ITPR3: variants seen among roughly 807,000 people sequenced by gnomAD.
ITPR3 encodes inositol 1,4,5-trisphosphate receptor type 3.
A neutral mutation model predicts 293.2 loss-of-function variants in ITPR3; 173 were observed. The ratio of observed to expected loss-of-function variants is 0.59; its 90% CI spans 0.52 to 0.67. The LOEUF is 0.67. ITPR3 is among the 30% of genes least tolerant of loss of function. ITPR3 has a pLI of 0.00. For synonymous variants in ITPR3, 1,295 were observed against 1,444.4 expected, an observed-to-expected ratio of 0.90 and a Z score of 2.35; for missense variants, 2,796 against 3,592.1, an observed-to-expected ratio of 0.78 and a Z score of 5.66.
rs1764646548 is a variant in ITPR3, at chr6:33,667,672, C to T, written c.1714-120C>T. On this transcript the variant is annotated intron_variant, in intron 15 of 57. Coordinates refer to ENST00000605930, the MANE Select transcript of ITPR3 (RefSeq NM_002224.4). The surrounding 1 kb of genome is among the most constrained non-coding windows in gnomAD (Gnocchi z 4.4). Reference sequence around the variant, plus strand: ...CCCAGCGATGCTTCCTTTCCTGGACCTCTGCCTTTCTAGGGTATTGGGTCC... The same window carrying T: ...CCCAGCGATGCTTCCTTTCCTGGACTTCTGCCTTTCTAGGGTATTGGGTCC... 1 of 1,082,782 alleles carries T rather than the reference C, an allele frequency of 9.2e-7. No individual in the cohort carries two copies. Among genetic ancestry groups the T allele is most frequent in the African/African-American group, 1.6e-5 (1 of 63,210 alleles). 67.1% of individuals were successfully genotyped at this position (1,082,782 alleles called of 1,614,324 possible). A position where few individuals can be genotyped will look rare whatever the true frequency, so the allele number is the denominator to read the frequency against.
chr6:33,668,885 G>A, intron 17 of ITPR3, 89 bp from the exon 18 acceptor site: 2 of 1,387,174 alleles, frequency 1.4e-6, no homozygotes, highest in Non-Finnish European at 2.0e-6. Flanking sequence ...CGTGGTGGCT[G>A]GCACTGTGTG....
chr6:33,651,665 G>A (rs10807127), intron 2 of ITPR3, among the ~76,000 whole-genome samples: 129,132 of 152,230 alleles, frequency 0.85, 55,102 homozygotes, highest in East Asian at 0.98. Flanking sequence ...GTGTTTCTAT[G>A]TCTGTTTTGT....
intron 33 of ITPR3, 47 bp downstream of exon 33, chr6:33,680,727 T>C (rs1426139122): frequency 6.3e-7 from 1 of 1,581,686 alleles, no homozygotes; most frequent in South Asian, 1.1e-5. Context: ...TGCCTAGCTT[T>C]TGTGAAGGGA....
At position 33,655,956 on chromosome 6, in the gene ITPR3, C is replaced by G; in HGVS notation, c.282+69C>G. ...GAACCTGGGTACACAAGCAGCGGTG[C>G]TGCTTGTCGGAGCCAGTAGGGGCTC... On this transcript the variant is annotated intron_variant, in intron 3 of 57. Coordinates refer to ENST00000605930, the MANE Select transcript of ITPR3 (RefSeq NM_002224.4). This position sits in a 1 kb window ranked among gnomAD's most constrained non-coding sequence, Gnocchi z 4.9. 1 of 1,595,484 alleles carries G rather than the reference C, an allele frequency of 6.3e-7. No individual in the cohort carries two copies. The highest frequency in any genetic ancestry group is 1.1e-5 in the South Asian group (1 of 90,006).
chr6:33,670,897 C>T lies in ITPR3; in HGVS notation c.2586+82C>T, dbSNP rs1160220856. 6 of 1,526,612 alleles carry T rather than the reference C, an allele frequency of 3.9e-6. No homozygotes were observed. The highest frequency in any genetic ancestry group is 4.4e-6 in the Non-Finnish European group (5 of 1,127,502). 94.6% of individuals were successfully genotyped at this position (1,526,612 alleles called of 1,614,324 possible). A position where few individuals can be genotyped will look rare whatever the true frequency, so the allele number is the denominator to read the frequency against. On this transcript the variant is annotated intron_variant, in intron 20 of 57. Transcript: ENST00000605930. The surrounding 1 kb of genome is among the most constrained non-coding windows in gnomAD (Gnocchi z 6.7). ...CTGGCCTCGGTCTTCACCCAGGAGTCGGCTGTGGGATCCATGACCCCACTT... is the reference window on the plus strand; with the variant it reads ...CTGGCCTCGGTCTTCACCCAGGAGTTGGCTGTGGGATCCATGACCCCACTT...
Position 33,696,106 on chromosome 6 carries a change from G to A in ITPR3, c.*326G>A, listed in dbSNP as rs1008045703. On this transcript the variant is annotated 3_prime_UTR_variant, in exon 58 of 58. Transcript: ENST00000605930. Reference sequence around the variant, plus strand: ...CAACTCTTTGTAGTCCTCCTTGTGGGTAGTTAAGAGTGGGGTCACCCCTTT... The same window carrying A: ...CAACTCTTTGTAGTCCTCCTTGTGGATAGTTAAGAGTGGGGTCACCCCTTT... The A allele has an allele frequency of 1.9e-5, 6 of 311,724 alleles. No homozygotes were observed. The highest frequency in any genetic ancestry group is 1.3e-4 in the African/African-American group (6 of 47,756). 19.3% of individuals were successfully genotyped at this position (311,724 alleles called of 1,614,324 possible).
rs142231270 is a variant in ITPR3 at position 33,655,720 on chromosome 6, G to T, written c.161-46G>T. The stretch of plus-strand genomic sequence containing the variant: ...GGGTTTTCTCCAGGGAGGGCCCTGA[G>T]CCCCAGATGAATCATTCCCCTCACC... On this transcript the variant is annotated intron_variant, in intron 2 of 57. Transcript: ENST00000605930. The surrounding 1 kb of genome is among the most constrained non-coding windows in gnomAD (Gnocchi z 4.9). 1,258 of 1,612,326 alleles carry T rather than the reference G, an allele frequency of 7.8e-4. 6 individuals carry two copies. In the African/African-American group the frequency reaches 0.011, roughly 15 times the overall value.
chr6:33,633,686 T>TGGCGGC lies in ITPR3; in HGVS notation c.90-6790_90-6785dup, dbSNP rs1164843232. Among the ~76,000 whole-genome samples the TGGCGGC allele has an allele frequency of 6.7e-6, 1 of 148,636 alleles. No individual in the cohort carries two copies. Among genetic ancestry groups the TGGCGGC allele is most frequent in the African/African-American group, 2.4e-5 (1 of 40,820 alleles). ...GGGCGAGGCCGCGCTGGCCCTCCCTTGGCGGCGGCGGCGCGTCGTGGGAGA... is the reference window on the plus strand; with the variant it reads ...GGGCGAGGCCGCGCTGGCCCTCCCTTGGCGGCGGCGGCGGCGGCGCGTCGTGGGAGA... On this transcript the variant is annotated intron_variant, in intron 1 of 57. Transcript: ENST00000605930. This position sits in a 1 kb window ranked among gnomAD's most constrained non-coding sequence, Gnocchi z 5.2.
Position 33,642,608 on chromosome 6 carries a change from C to T in ITPR3, c.160+2054C>T, listed in dbSNP as rs184670957. Among the ~76,000 whole-genome samples the T allele has an allele frequency of 2.4e-4, 37 of 152,236 alleles. 1 individual carries two copies. Among genetic ancestry groups the T allele is most frequent in the Middle Eastern group, 6.8e-3 (2 of 294 alleles). ...GGCCAATTTTTGACAACAACAAAGC[C>T]ACTTAGCAGAACAAATGCGCCTTTG... On this transcript the variant is annotated intron_variant, in intron 2 of 57. Coordinates refer to ENST00000605930, the MANE Select transcript of ITPR3 (RefSeq NM_002224.4).
In ITPR3 at chr6:33,672,530, T is replaced by G. The variant is rs1191687690; in HGVS notation, c.2928+302T>G. On this transcript the variant is annotated intron_variant, in intron 22 of 57. Transcript: ENST00000605930. The surrounding 1 kb of genome is among the most constrained non-coding windows in gnomAD (Gnocchi z 5.0). Reference sequence around the variant, plus strand: ...GCTCAGAGTTCAAGACCTGCCTGGGTGAGACCCCGTCTCTATTAAAAAAAA... The same window carrying G: ...GCTCAGAGTTCAAGACCTGCCTGGGGGAGACCCCGTCTCTATTAAAAAAAA... Among the ~76,000 whole-genome samples the G allele has an allele frequency of 1.3e-5, 2 of 152,006 alleles. No individual in the cohort carries two copies. Among genetic ancestry groups the G allele is most frequent in the Non-Finnish European group, 2.9e-5 (2 of 68,028 alleles).
Position 33,662,973 on chromosome 6 carries a change from G to A in ITPR3, c.921G>A (p.Lys307=), listed in dbSNP as rs1213043838. The stretch of plus-strand genomic sequence containing the variant: ...ACTGGAATGGCTTGTACCGCTTCAA[G>A]CACCTGGCTACAGGCAACTACCTGG... ...AGHWNGLYRF[K]HLATGNYLAA... The change falls in exon 9 of 58, where the codon AAG becomes AAA. Residue 307 remains lysine (K), a synonymous_variant. Transcript: ENST00000605930. 1 of 1,604,044 alleles carries A rather than the reference G, an allele frequency of 6.2e-7. No homozygotes were observed. The highest frequency in any genetic ancestry group is 2.2e-5 in the East Asian group (1 of 44,570).
chr6:33,673,512 C>T, intron 22 of ITPR3, 79 bp from the exon 23 acceptor site: 1 of 1,568,484 alleles, frequency 6.4e-7, no homozygotes, highest in Non-Finnish European at 8.7e-7. Flanking sequence ...GCCCCCTGCC[C>T]CCCATAAAGT....
intron 17 of ITPR3, 78 bp from the exon 18 acceptor site, chr6:33,668,896 G>A: frequency 6.9e-7 from 1 of 1,458,994 alleles, no homozygotes; most frequent in Admixed American, 1.9e-5. Context: ...GCACTGTGTG[G>A]CCGGGTGTGC....
Position 33,691,633 on chromosome 6 carries a change from C to T in ITPR3, c.7244C>T (p.Pro2415Leu). The T allele has an allele frequency of 6.2e-7, 1 of 1,613,992 alleles. No homozygotes were observed. Among genetic ancestry groups the T allele is most frequent in the African/African-American group, 1.3e-5 (1 of 74,992 alleles). The change falls in exon 53 of 58, where the codon CCA becomes CTA. Residue 2415 changes from proline (P) to leucine (L), a missense_variant. Physicochemically the swap from Pro to Leu is moderately conservative, Grantham distance 98. Around this residue, in one of 8 missense-constraint regions of ITPR3, gnomAD observed 568 missense variants for 796.1 expected, o/e 0.71. Transcript: ENST00000605930. This position sits in a 1 kb window ranked among gnomAD's most constrained non-coding sequence, Gnocchi z 4.9. ...CCTCCAGCCAGCCCCCTGGGGATGC[C>T]ACATGGAGCTGCTGCATTTGTGGAC... ...NHSTASPLGM[P>L]HGAAAFVDTC...
chr6:33,663,184 A>G (rs1230110814), intron 9 of ITPR3, among the ~76,000 whole-genome samples, 178 bp downstream of exon 9: 1 of 152,256 alleles, frequency 6.6e-6, no homozygotes, highest in Non-Finnish European at 1.5e-5. Context: ...TAAGCCTAAT[A>G]AATATCACTG....
intron 1 of ITPR3, among the ~76,000 whole-genome samples, chr6:33,639,378 CAA>C (rs34424556): frequency 0.2 from 18,647 of 94,740 alleles, 1,341 homozygotes; most frequent in Middle Eastern, 0.35. Flanking sequence ...AACTCTGTCT[CAA>C]AAAAAAAAAA....
chr6:33,669,028 C>T lies in ITPR3; in HGVS notation c.2061C>T (p.Tyr687=). ...CCCACGAGTACCTGAGCATCGAGTA[C>T]TCAGAAGAGGAAGTGTGGCTCACGT... ...AQSHEYLSIE[Y]SEEEVWLTWT... Residue 687 remains tyrosine, a synonymous_variant, in exon 18 of 58, where the codon TAC becomes TAT. Coordinates refer to ENST00000605930, the MANE Select transcript of ITPR3 (RefSeq NM_002224.4). The T allele has an allele frequency of 6.2e-7, 1 of 1,614,160 alleles. No individual in the cohort carries two copies. The highest frequency in any genetic ancestry group is 1.7e-5 in the Admixed American group (1 of 60,016).
rs1763710640 is a variant in ITPR3 at position 33,632,706 on chromosome 6, G to T, written c.90-7778G>T. Among the ~76,000 whole-genome samples, 1 of 152,252 alleles carries T rather than the reference G, an allele frequency of 6.6e-6. No homozygotes were observed. Among genetic ancestry groups the T allele is most frequent in the African/African-American group, 2.4e-5 (1 of 41,468 alleles). On this transcript the variant is annotated intron_variant, in intron 1 of 57. Coordinates refer to ENST00000605930, the MANE Select transcript of ITPR3 (RefSeq NM_002224.4). The surrounding 1 kb of genome is among the most constrained non-coding windows in gnomAD (Gnocchi z 4.1). The stretch of plus-strand genomic sequence containing the variant: ...GCCCCATCCTCCTGCTCCCTCTGCT[G>T]TTCAGACTGGTCTTGTGCCTCCCAG...
chr6:33,685,061 C>T (rs1313575841), intron 39 of ITPR3, 118 bp downstream of exon 39: 5 of 1,210,574 alleles, frequency 4.1e-6, no homozygotes, highest in Admixed American at 2.4e-5. Flanking sequence ...GAGGCCTGAG[C>T]AGTGGCTGAG....
Sources: allele counts gnomAD v4.1 joint callset (sites outside exome capture counted in the v4.1 genomes callset), GRCh38; gene constraint gnomAD v4.1.1; regional missense constraint gnomAD v4.1.1; non-coding constraint Gnocchi (gnomAD v3.1); transcripts MANE v1.5; gene names NCBI Gene and HGNC (gene_info 2026-07-23, HGNC 2026-07-21).